The following FHIT variants were observed in gnomAD, a reference collection of about 807,000 sequenced individuals.
The protein encoded by FHIT is bis(5'-adenosyl)-triphosphatase.
A neutral mutation model predicts 17.9 loss-of-function variants in FHIT; 19 were observed. The ratio of observed to expected loss-of-function variants is 1.06; its 90% confidence interval spans 0.74 to 1.56. FHIT has a LOEUF of 1.56. Among genes scored for constraint, FHIT ranks in the 40% most tolerant of loss-of-function variants. FHIT has a pLI of 0.00. For missense variants in FHIT, 248 were observed against 189.2 expected (o/e 1.31, Z -1.82); for synonymous variants, 81 against 69.7 (o/e 1.16, Z -0.81).
chr3:60,158,697 G>GT (rs1203880821), intron 5 of FHIT, among the ~76,000 whole-genome samples: 19 of 152,156 alleles, frequency 1.2e-4, no homozygotes, highest in Admixed American at 1.2e-3. Context: ...GCTACTAAGA[G>GT]TGACTGCTAC....
At chr3:60,574,115 T>C (rs151102433) in intron 4 of FHIT, among the ~76,000 whole-genome samples, 1 of 152,230 alleles carries the variant, frequency 6.6e-6, no homozygotes, top group East Asian at 1.9e-4. Flanking sequence ...TGGTTAGTAT[T>C]ATGTACTTCT....
chr3:61,078,322 G>C (rs1246836200), intron 2 of FHIT, among the ~76,000 whole-genome samples: 1 of 152,074 alleles, frequency 6.6e-6, no homozygotes, highest in African/African-American at 2.4e-5. Flanking sequence ...AGAGAGGCAG[G>C]AAGTCTCAGG....
At chr3:60,666,679 G>C (rs1044240809) in intron 4 of FHIT, among the ~76,000 whole-genome samples, 4 of 151,882 alleles carry the variant, frequency 2.6e-5, no homozygotes, top group African/African-American at 9.7e-5. Flanking sequence ...GTGTTTATTT[G>C]TTTGTTTGAG....
intron 2 of FHIT, among the ~76,000 whole-genome samples, chr3:61,051,215 A>G (rs2034012440): frequency 6.6e-6 from 1 of 152,192 alleles, no homozygotes; most frequent in African/African-American, 2.4e-5. Context: ...CCTACAAGGC[A>G]TCTCCTGCTT....
chr3:60,890,179 G>A (rs1705436418), intron 3 of FHIT, among the ~76,000 whole-genome samples: 1 of 141,204 alleles, frequency 7.1e-6, no homozygotes, highest in Non-Finnish European at 1.5e-5. Context: ...AAGGCTGGCA[G>A]CTTCTACTTT....
At chr3:60,367,686 A>C (rs1399517389) in intron 5 of FHIT, among the ~76,000 whole-genome samples, 1 of 152,182 alleles carries the variant, frequency 6.6e-6, no homozygotes, top group Non-Finnish European at 1.5e-5. Context: ...AACAAAGCAA[A>C]AGTTACATGG....
intron 2 of FHIT, among the ~76,000 whole-genome samples, chr3:61,059,905 G>C (rs1432522032): frequency 2.0e-5 from 3 of 152,118 alleles, no homozygotes; most frequent in African/African-American, 7.2e-5. Context: ...TTTTCTCTGG[G>C]CAGTCAAGTT....
chr3:60,353,385 C>T (rs1022391539), intron 5 of FHIT, among the ~76,000 whole-genome samples: 3 of 152,192 alleles, frequency 2.0e-5, no homozygotes, highest in African/African-American at 7.2e-5. Flanking sequence ...AGTGCTCTGC[C>T]CAGTAGAGGG....
chr3:61,233,163 G>A (rs143072009), intron 1 of FHIT, among the ~76,000 whole-genome samples: 3 of 152,154 alleles, frequency 2.0e-5, no homozygotes, highest in Non-Finnish European at 4.4e-5. Context: ...ATACATCCAG[G>A]TCCTTAAAAC....
intron 3 of FHIT, among the ~76,000 whole-genome samples, chr3:60,940,325 A>G (rs1373855686): frequency 3.3e-5 from 5 of 150,600 alleles, no homozygotes; most frequent in Non-Finnish European, 7.4e-5. Flanking sequence ...CTGAAGAAAA[A>G]TAAGTCAATT....
At chr3:60,687,426 A>C (rs2107876020) in intron 4 of FHIT, among the ~76,000 whole-genome samples, 1 of 152,156 alleles carries the variant, frequency 6.6e-6, no homozygotes, top group Non-Finnish European at 1.5e-5. Context: ...TTTAGAAAAA[A>C]ATTTGGTTTT....
chr3:61,093,659 C>T (rs2035552259), intron 2 of FHIT, among the ~76,000 whole-genome samples: 1 of 152,160 alleles, frequency 6.6e-6, no homozygotes, highest in South Asian at 2.1e-4. Context: ...CACATGTAAG[C>T]TATTGAGGAA....
At chr3:60,623,356 A>C (rs1479769041) in intron 4 of FHIT, among the ~76,000 whole-genome samples, 1 of 152,180 alleles carries the variant, frequency 6.6e-6, no homozygotes, top group African/African-American at 2.4e-5. Flanking sequence ...ATACTTATGT[A>C]AGCCAATAGT....
At chr3:60,439,836 G>A (rs897747140) in intron 5 of FHIT, among the ~76,000 whole-genome samples, 1 of 152,044 alleles carries the variant, frequency 6.6e-6, no homozygotes, top group African/African-American at 2.4e-5. Flanking sequence ...AGTGTCTTTG[G>A]GCTTGTTCAA....
intron 8 of FHIT, among the ~76,000 whole-genome samples, chr3:59,874,678 AT>A (rs5849306): frequency 0.1 from 15,532 of 148,236 alleles, 803 homozygotes; most frequent in Non-Finnish European, 0.11. Flanking sequence ...TGTGTTTTTC[AT>A]TTTTTTTTTT....
At chr3:60,432,776 C>T (rs1702969683) in intron 5 of FHIT, among the ~76,000 whole-genome samples, 1 of 152,062 alleles carries the variant, frequency 6.6e-6, no homozygotes, top group Non-Finnish European at 1.5e-5. Flanking sequence ...TACCAATGTG[C>T]TTTTCTTGGA....
At chr3:61,073,907 G>A (rs776478610) in intron 2 of FHIT, among the ~76,000 whole-genome samples, 10 of 152,130 alleles carry the variant, frequency 6.6e-5, no homozygotes, top group Non-Finnish European at 1.0e-4. Context: ...CTTGAATAGG[G>A]TCAAAGTAGT....
intron 8 of FHIT, among the ~76,000 whole-genome samples, chr3:59,910,679 A>G (rs1268986948): frequency 6.6e-6 from 1 of 152,156 alleles, no homozygotes; most frequent in Non-Finnish European, 1.5e-5. Context: ...AAAAACAACA[A>G]CAACAAACAA....
chr3:59,869,167 G>A (rs1043307167), intron 8 of FHIT, among the ~76,000 whole-genome samples: 17 of 152,174 alleles, frequency 1.1e-4, no homozygotes, highest in African/African-American at 3.9e-4. Flanking sequence ...AGTTTATTAT[G>A]AAATGAAACT....
Sources: gnomAD v4.1 joint callset for allele counts (sites outside exome capture counted in the v4.1 genomes callset) on GRCh38, gnomAD v4.1.1 for gene constraint, MANE v1.5 for transcripts, NCBI Gene and HGNC (gene_info 2026-07-23, HGNC 2026-07-21) for gene names.